SCGB2B2: variants seen among roughly 807,000 people sequenced by gnomAD.
SCGB2B2 encodes secretoglobin family 2B member 2, also known as secretoglobin-like protein.
SCGB2B2 carries 11 observed loss-of-function variants against 7.6 expected under a neutral mutation model. The ratio of observed to expected loss-of-function variants is 1.45; its 90% CI spans 0.91 to 2.40. The LOEUF (loss-of-function observed/expected upper bound fraction) is 2.40. SCGB2B2 is among the 30% of genes most tolerant of loss of function. The pLI is 0.00. For synonymous variants in SCGB2B2, 50 were observed against 48.6 expected, an observed-to-expected ratio of 1.03 and a Z score of -0.12; for missense variants, 104 against 115.4, an observed-to-expected ratio of 0.90 and a Z score of 0.45.
chr19:34,603,589 G>A (rs985210288), intron 1 of SCGB2B2, among the ~76,000 whole-genome samples: 3 of 152,108 alleles, frequency 2.0e-5, no homozygotes, highest in African/African-American at 7.2e-5. Flanking sequence ...AGTGCTGGAG[G>A]AAAATGAGAG....
intron 1 of SCGB2B2, among the ~76,000 whole-genome samples, chr19:34,618,493 C>A (rs999111884): frequency 1.3e-5 from 2 of 152,206 alleles, no homozygotes; most frequent in Admixed American, 1.3e-4. Flanking sequence ...CTTTCTCATA[C>A]CCGCAGACTT....
chr19:34,627,180 A>AC (rs2066402478), intron 1 of SCGB2B2, among the ~76,000 whole-genome samples: 1 of 152,198 alleles, frequency 6.6e-6, no homozygotes, highest in African/African-American at 2.4e-5. Context: ...ACCATCAATG[A>AC]TAGGAAGAAA....
chr19:34,594,575 CTG>C lies in SCGB2B2; in HGVS notation c.-14_-13del, dbSNP rs1023889069. ...GATGTCACCCTCATGACAGCGGAGT[CTG>C]GTCCCAGCAGGCACAGGCAGGGAAT... On this transcript the variant is annotated 5_prime_UTR_variant, in exon 2 of 4. Coordinates refer to ENST00000601241, the MANE Select transcript of SCGB2B2 (RefSeq NM_001025591.4). The C allele has an allele frequency of 1.2e-6, 2 of 1,612,042 alleles. No individual in the cohort carries two copies. The highest frequency in any genetic ancestry group is 1.7e-6 in the Non-Finnish European group (2 of 1,179,744).
intron 1 of SCGB2B2, among the ~76,000 whole-genome samples, chr19:34,653,785 C>A (rs946816156): frequency 6.0e-5 from 9 of 150,778 alleles, no homozygotes; most frequent in Non-Finnish European, 1.0e-4. Flanking sequence ...ATACTGAAAC[C>A]ATCACCAAAA....
At chr19:34,640,586 A>C (rs1054178924) in intron 1 of SCGB2B2, 1 of 152,200 alleles carries the variant, frequency 6.6e-6, no homozygotes, top group African/African-American at 2.4e-5. Flanking sequence ...GAAGAAAAAA[A>C]ATTTTTTTTA....
intron 1 of SCGB2B2, among the ~76,000 whole-genome samples, chr19:34,608,910 T>A (rs2065856962): frequency 6.6e-6 from 1 of 151,896 alleles, no homozygotes; most frequent in African/African-American, 2.4e-5. Context: ...CTCCATATCA[T>A]AATGCCTATC....
At chr19:34,671,417 A>G (rs59731402) in intron 1 of SCGB2B2, among the ~76,000 whole-genome samples, 3,002 of 151,296 alleles carry the variant, frequency 0.02, 98 homozygotes, top group African/African-American at 0.067. Flanking sequence ...CAGGCAATGT[A>G]ATCGTTTAAC....
chr19:34,590,736 TTTAG>T lies in SCGB2B2; in HGVS notation c.*2815_*2818del, dbSNP rs1209696807. On this transcript the variant is annotated 3_prime_UTR_variant, in exon 4 of 4. Transcript: ENST00000601241. ...TTAAGAATAACAGAGTCGTAAGCATTTTAGTTAAAGTAAACTCACAGGACATTGT... is the reference window on the plus strand; with the variant it reads ...TTAAGAATAACAGAGTCGTAAGCATTTTAAAGTAAACTCACAGGACATTGT... 3.4e-5 allele frequency among the ~76,000 whole-genome samples: 4 copies of T among 116,606 alleles called. No homozygotes were observed. The highest frequency in any genetic ancestry group is 3.2e-5 in the African/African-American group (1 of 31,252). The allele number at this position is 116,606 out of a possible 152,430, so 76.5% of individuals were successfully genotyped here. A position where few individuals can be genotyped will look rare whatever the true frequency, so the allele number is the denominator to read the frequency against.
chr19:34,630,325 C>CAAGGT (rs1736920359), intron 1 of SCGB2B2, among the ~76,000 whole-genome samples: 1 of 151,864 alleles, frequency 6.6e-6, no homozygotes, highest in Admixed American at 6.6e-5. Flanking sequence ...AGTGAACAGG[C>CAAGGT]AACCTACAAA....
intron 1 of SCGB2B2, among the ~76,000 whole-genome samples, chr19:34,656,766 T>A (rs1043606103): frequency 1.6e-4 from 24 of 151,424 alleles, no homozygotes; most frequent in Admixed American, 1.2e-3. Context: ...GAAATACTTT[T>A]AAAATGTTGT....
intron 1 of SCGB2B2, among the ~76,000 whole-genome samples, chr19:34,638,830 T>C (rs2066762551): frequency 6.6e-6 from 1 of 152,156 alleles, no homozygotes; most frequent in Admixed American, 6.5e-5. Flanking sequence ...CTTCTGGAAA[T>C]GATATCAGAG....
intron 1 of SCGB2B2, among the ~76,000 whole-genome samples, chr19:34,664,040 C>T (rs934981144): frequency 6.9e-6 from 1 of 145,526 alleles, no homozygotes; most frequent in African/African-American, 2.5e-5. Flanking sequence ...CGCTGTTGAC[C>T]TCCAGCCCCT....
intron 1 of SCGB2B2, among the ~76,000 whole-genome samples, chr19:34,611,070 T>C (rs1208770649): frequency 2.0e-5 from 3 of 152,166 alleles, no homozygotes; most frequent in South Asian, 2.1e-4. Flanking sequence ...TGTCCAATAA[T>C]TTACATATTT....
intron 1 of SCGB2B2, among the ~76,000 whole-genome samples, chr19:34,627,107 A>G (rs925307620): frequency 3.3e-5 from 5 of 152,238 alleles, no homozygotes; most frequent in Non-Finnish European, 7.3e-5. Flanking sequence ...TCCTGAAGGA[A>G]GCACTAAACA....
chr19:34,666,395 C>A (rs1329847476), intron 1 of SCGB2B2, among the ~76,000 whole-genome samples: 1 of 152,196 alleles, frequency 6.6e-6, no homozygotes, highest in Non-Finnish European at 1.5e-5. Flanking sequence ...CCCATTCTCA[C>A]ACATGTGCAC....
At chr19:34,608,246 C>CT (rs1027271071) in intron 1 of SCGB2B2, among the ~76,000 whole-genome samples, 5 of 151,818 alleles carry the variant, frequency 3.3e-5, no homozygotes, top group African/African-American at 9.7e-5. Flanking sequence ...TTCTTATTTT[C>CT]TTTTTTGGAT....
intron 1 of SCGB2B2, among the ~76,000 whole-genome samples, chr19:34,604,981 A>G (rs530815359): frequency 1.3e-5 from 2 of 152,358 alleles, no homozygotes; most frequent in East Asian, 3.9e-4. Context: ...GAACAGATTC[A>G]TCTCTTATGA....
At chr19:34,661,279 AT>A (rs1402686503) in intron 1 of SCGB2B2, among the ~76,000 whole-genome samples, 1 of 150,988 alleles carries the variant, frequency 6.6e-6, no homozygotes, top group African/African-American at 2.5e-5. Flanking sequence ...TAATAAAAAA[AT>A]AAATAAATAA....
intron 1 of SCGB2B2, among the ~76,000 whole-genome samples, chr19:34,674,675 G>T (rs2067879084): frequency 3.9e-5 from 6 of 152,192 alleles, no homozygotes; most frequent in Admixed American, 3.3e-4. Flanking sequence ...ACGAATTGGG[G>T]TTCTCAAAGC....
Sources: allele counts gnomAD v4.1 joint callset (sites outside exome capture counted in the v4.1 genomes callset), GRCh38; gene constraint gnomAD v4.1.1; transcripts MANE v1.5; gene names NCBI Gene and HGNC (gene_info 2026-07-23, HGNC 2026-07-21).